NAT1: variants seen among roughly 807,000 people sequenced by gnomAD.
NAT1 encodes arylamine N-acetyltransferase 1.
For synonymous variants in NAT1, 144 were observed against 122.6 expected, an observed-to-expected ratio of 1.17 and a Z score of -1.16; for missense variants, 400 against 339.2, an observed-to-expected ratio of 1.18 and a Z score of -1.41.
intron 2 of NAT1, among the ~76,000 whole-genome samples, chr8:18,175,199 C>CT (rs947484440): frequency 3.3e-5 from 5 of 150,414 alleles, no homozygotes; most frequent in South Asian, 2.1e-4. Flanking sequence ...CACCTTATTG[C>CT]TTTTTTTTTG....
At chr8:18,179,106 A>G (rs1365711576) in intron 2 of NAT1, among the ~76,000 whole-genome samples, 6 of 151,806 alleles carry the variant, frequency 4.0e-5, no homozygotes, top group Admixed American at 3.9e-4. Flanking sequence ...GTCCTGGCCA[A>G]TTTGTTCTTA....
intron 1 of NAT1, among the ~76,000 whole-genome samples, chr8:18,211,833 GAAAA>G: frequency 6.6e-6 from 1 of 151,680 alleles, no homozygotes; most frequent in South Asian, 2.1e-4. Flanking sequence ...GAAAAGAAAA[GAAAA>G]GAAAAAACAC....
At chr8:18,177,565 A>C (rs1802338102) in intron 2 of NAT1, among the ~76,000 whole-genome samples, 1 of 152,150 alleles carries the variant, frequency 6.6e-6, no homozygotes, top group East Asian at 1.9e-4. Context: ...ATTCCATTGT[A>C]TACAATAATG....
chr8:18,188,135 C>T (rs1034099016), intron 2 of NAT1, among the ~76,000 whole-genome samples: 1 of 152,094 alleles, frequency 6.6e-6, no homozygotes, highest in Non-Finnish European at 1.5e-5. Flanking sequence ...CAAAACAGAA[C>T]ACTAGAAATA....
In NAT1 at chr8:18,223,201, A is replaced by C; in HGVS notation, c.*281A>C. The C allele has an allele frequency of 5.8e-6, 1 of 171,870 alleles. No individual in the cohort carries two copies. Among genetic ancestry groups the C allele is most frequent in the Non-Finnish European group, 1.4e-5 (1 of 71,512 alleles). 10.6% of individuals were successfully genotyped at this position (171,870 alleles called of 1,614,324 possible). A position where few individuals can be genotyped will look rare whatever the true frequency, so the allele number is the denominator to read the frequency against. ...GGTGATTTATGCTAGAAAGCTTTTAATGTTGGTTTATTGTTGAATTCCTAG... is the reference window on the plus strand; with the variant it reads ...GGTGATTTATGCTAGAAAGCTTTTACTGTTGGTTTATTGTTGAATTCCTAG... On this transcript the variant is annotated 3_prime_UTR_variant, in exon 3 of 3. Coordinates refer to ENST00000307719, the MANE Select transcript of NAT1 (RefSeq NM_000662.8).
chr8:18,200,415 T>C lies in NAT1; in HGVS notation n.93-9366T>C, dbSNP rs555644687. Among the ~76,000 whole-genome samples, 4 of 152,334 alleles carry C rather than the reference T, an allele frequency of 2.6e-5. No individual in the cohort carries two copies. In the South Asian group the frequency reaches 8.3e-4, roughly 32 times the overall value. On this transcript the variant is annotated intron_variant and non_coding_transcript_variant, in intron 2 of 4. Transcript: ENST00000517441. ...TGGCTAGAGCTGGAGGCCATTGTCC[T>C]AAGCAAACTAACACAGGAACAGAAA... is the stretch of plus-strand genomic sequence containing the variant.
At chr8:18,182,077 G>A (rs1013665082) in intron 2 of NAT1, among the ~76,000 whole-genome samples, 7 of 152,116 alleles carry the variant, frequency 4.6e-5, no homozygotes, top group Admixed American at 2.6e-4. Flanking sequence ...GAGGAGAGGT[G>A]GTTTTGGCAA....
intron 2 of NAT1, among the ~76,000 whole-genome samples, chr8:18,180,504 C>A (rs1410627020): frequency 6.6e-6 from 1 of 152,010 alleles, no homozygotes; most frequent in East Asian, 1.9e-4. Context: ...GGAATGTTTG[C>A]CTGTAATTTT....
At chr8:18,204,534 T>A (rs4921578) in intron 2 of NAT1, among the ~76,000 whole-genome samples, 97,284 of 151,904 alleles carry the variant, frequency 0.64, 31,479 homozygotes, top group Non-Finnish European at 0.68. Flanking sequence ...TAAGTTTATA[T>A]ACTTTGGCAT....
At chr8:18,210,212 TG>T (rs2117325795) in intron 1 of NAT1, 32 bp downstream of exon 1, 1 of 152,274 alleles carries the variant, frequency 6.6e-6, no homozygotes, top group Non-Finnish European at 1.5e-5. Context: ...GCTTTGAAAT[TG>T]GGGTTTAATC....
chr8:18,211,590 C>T (rs562988304), intron 1 of NAT1, among the ~76,000 whole-genome samples: 4 of 152,190 alleles, frequency 2.6e-5, no homozygotes, highest in African/African-American at 9.7e-5. Flanking sequence ...TAACCCCCAC[C>T]ACCTGCCTGG....
rs72554609 is a variant in NAT1 at position 18,222,660 on chromosome 8, A to G, written c.613A>G (p.Met205Val). ...KPRTIEDFES[M>V]NTYLQTSPSS... is the part of the protein sequence containing the mutation. ...TCGAACAATTGAAGATTTTGAGTCT[A>G]TGAATACATACCTGCAGACATCTCC... The change falls in exon 3 of 3, where the codon ATG becomes GTG. Residue 205 changes from methionine to valine, a missense_variant. Met to Val is a conservative substitution (Grantham distance 21). Coordinates refer to ENST00000307719, the MANE Select transcript of NAT1 (RefSeq NM_000662.8). 64 of 1,613,752 alleles carry G rather than the reference A, an allele frequency of 4.0e-5. No individual in the cohort carries two copies. The highest frequency in any genetic ancestry group is 7.6e-6 in the Non-Finnish European group (9 of 1,179,958).
At chr8:18,207,158 G>C (rs1453055458), upstream of NAT1, among the ~76,000 whole-genome samples, 3 of 152,038 alleles carry the variant, frequency 2.0e-5, no homozygotes, top group Admixed American at 2.0e-4. Flanking sequence ...TTTTTGTCAG[G>C]TTTGTTGAAG....
intron 2 of NAT1, among the ~76,000 whole-genome samples, chr8:18,189,907 A>C (rs1802911478): frequency 6.6e-6 from 1 of 152,140 alleles, no homozygotes; most frequent in Non-Finnish European, 1.5e-5. Flanking sequence ...CTCCTGCCTC[A>C]GCCTCCTGAG....
intron 1 of NAT1, among the ~76,000 whole-genome samples, chr8:18,210,987 T>A (rs938109928): frequency 2.0e-5 from 3 of 152,142 alleles, no homozygotes; most frequent in African/African-American, 7.2e-5. Context: ...GTATTTTTAG[T>A]AGCGATGGGG....
At chr8:18,191,378 C>A (rs1344064247) in intron 2 of NAT1, among the ~76,000 whole-genome samples, 1 of 152,112 alleles carries the variant, frequency 6.6e-6, no homozygotes, top group South Asian at 2.1e-4. Context: ...TGTATACAAG[C>A]CTGTTTCTTT....
At chr8:18,201,165 G>A (rs761958988) in intron 2 of NAT1, 2 of 152,184 alleles carry the variant, frequency 1.3e-5, no homozygotes, top group Non-Finnish European at 2.9e-5. Flanking sequence ...TGCTAGAGAT[G>A]TAATGAAGGC....
Position 18,222,027 on chromosome 8 carries a change from G to A in NAT1, c.-6-15G>A, listed in dbSNP as rs757529291. On this transcript the variant is annotated splice_polypyrimidine_tract_variant and intron_variant, in intron 2 of 2. Transcript: ENST00000307719. ...AAGTAAAATGATTTGCTTTCGTTTT[G>A]TTTTCCTTGCTTAGGGGATCATGGA... 2.5e-6 allele frequency: 4 copies of A among 1,583,246 alleles called. No individual in the cohort carries two copies. In the Admixed American group the frequency reaches 7.3e-5, roughly 29 times the overall value.
At chr8:18,185,659 C>T (rs1206726857) in intron 2 of NAT1, among the ~76,000 whole-genome samples, 1 of 151,832 alleles carries the variant, frequency 6.6e-6, no homozygotes, top group Admixed American at 6.6e-5. Flanking sequence ...TTATTCTTTT[C>T]ATTCATTCTT....
Sources: allele counts gnomAD v4.1 joint callset (sites outside exome capture counted in the v4.1 genomes callset), GRCh38; gene constraint gnomAD v4.1.1; transcripts MANE v1.5; gene names NCBI Gene and HGNC (gene_info 2026-07-23, HGNC 2026-07-21).